The following TBC1D8 variants were observed in gnomAD, a reference collection of about 807,000 sequenced individuals.
TBC1D8 encodes TBC1 domain family member 8.
Under a neutral mutation model 118.8 loss-of-function variants are expected in TBC1D8, and 65 were observed. The ratio of observed to expected loss-of-function variants is 0.55; its 90% CI spans 0.45 to 0.67. TBC1D8 has a LOEUF of 0.67. Ranked by LOEUF, TBC1D8 falls within the 30% of genes least tolerant of loss-of-function variation. TBC1D8 has a pLI of 0.00. For synonymous variants in TBC1D8, 566 were observed against 595.8 expected, an observed-to-expected ratio of 0.95 and a Z score of 0.73; for missense variants, 1,376 against 1,471.2, an observed-to-expected ratio of 0.94 and a Z score of 1.06.
intron 18 of TBC1D8, 172 bp from the exon 19 acceptor site, chr2:101,011,198 G>T (rs1679182200): frequency 1.4e-6 from 1 of 715,492 alleles, no homozygotes; most frequent in Admixed American, 2.8e-5. Flanking sequence ...GTAACTGGGG[G>T]ACTTCTGCTC....
intron 9 of TBC1D8, among the ~76,000 whole-genome samples, chr2:101,034,045 A>T (rs1472145774): frequency 6.6e-6 from 1 of 152,064 alleles, no homozygotes; most frequent in Non-Finnish European, 1.5e-5. Context: ...GTGCCTGTAA[A>T]CCTAGCTACT....
chr2:101,046,923 T>A (rs1406649437), intron 5 of TBC1D8, among the ~76,000 whole-genome samples: 2 of 152,110 alleles, frequency 1.3e-5, no homozygotes, highest in Non-Finnish European at 2.9e-5. Context: ...CAAAACAGAT[T>A]GTAATTTGAT....
At chr2:101,114,983 A>C (rs1677754925) in intron 1 of TBC1D8, among the ~76,000 whole-genome samples, 1 of 152,194 alleles carries the variant, frequency 6.6e-6, no homozygotes, top group Non-Finnish European at 1.5e-5. Context: ...CTAGTCTGTA[A>C]AACACTGCCA....
chr2:101,071,052 C>CGGCCA (rs1558673752), intron 2 of TBC1D8, among the ~76,000 whole-genome samples: 2 of 152,096 alleles, frequency 1.3e-5, no homozygotes, highest in African/African-American at 4.8e-5. Context: ...AAATTAGCAT[C>CGGCCA]GGCCAGGCCA....
intron 5 of TBC1D8, among the ~76,000 whole-genome samples, chr2:101,046,752 C>T (rs760542719): frequency 9.9e-5 from 15 of 152,060 alleles, no homozygotes; most frequent in South Asian, 2.1e-4. Flanking sequence ...GTTCAGAATC[C>T]GCCAGGCCAT....
chr2:101,051,690 C>T lies in TBC1D8; in HGVS notation c.632-1049G>A, dbSNP rs141293283. On this transcript the variant is annotated intron_variant, in intron 4 of 19. Coordinates refer to ENST00000409318, the MANE Select transcript of TBC1D8 (RefSeq NM_001330348.2). The stretch of plus-strand genomic sequence containing the variant: ...CAAAAGAAGACATACATGCGGCCAA[C>T]AAGCATATGGAAAAAAAAAGCTCAA... 2.0e-3 allele frequency among the ~76,000 whole-genome samples: 309 copies of T among 152,094 alleles called. 1 individual carries two copies. The highest frequency in any genetic ancestry group is 7.1e-3 in the African/African-American group (296 of 41,474).
At chr2:101,099,092 T>G (rs996169678) in intron 1 of TBC1D8, among the ~76,000 whole-genome samples, 1 of 151,174 alleles carries the variant, frequency 6.6e-6, no homozygotes, top group Admixed American at 6.6e-5. Flanking sequence ...GATGGTTTTT[T>G]GAAAAAATTA....
intron 1 of TBC1D8, among the ~76,000 whole-genome samples, chr2:101,142,456 AACACT>A (rs1313293930): frequency 5.9e-5 from 9 of 152,178 alleles, no homozygotes; most frequent in African/African-American, 2.2e-4. Context: ...TACCTGTGTG[AACACT>A]ACAGGAAAAT....
chr2:101,110,220 G>C (rs985978151), intron 1 of TBC1D8, among the ~76,000 whole-genome samples: 4 of 152,182 alleles, frequency 2.6e-5, no homozygotes, highest in African/African-American at 9.7e-5. Flanking sequence ...CAAAATGACA[G>C]CTACTGATTC....
At chr2:101,064,239 C>T (rs1246692227) in intron 2 of TBC1D8, among the ~76,000 whole-genome samples, 1 of 152,104 alleles carries the variant, frequency 6.6e-6, no homozygotes, top group East Asian at 1.9e-4. Flanking sequence ...AGAAGAGACA[C>T]CGGGGAAGTG....
intron 1 of TBC1D8, among the ~76,000 whole-genome samples, chr2:101,133,435 A>G (rs1678688981): frequency 1.3e-5 from 2 of 151,746 alleles, no homozygotes; most frequent in South Asian, 4.2e-4. Flanking sequence ...GTCTTAGTCC[A>G]TTTCGGATGC....
chr2:101,038,459 ACCATGTCATCAT>A lies in TBC1D8; in HGVS notation c.1265_1275+1del. On this transcript the variant is annotated splice_donor_variant and coding_sequence_variant, in exon 7 of 20. Transcript: ENST00000409318. LOFTEE classifies it high-confidence loss of function. ...GATCATCAGGGTCTGGAGGGACCAT[ACCATGTCATCAT>A]CCGCAGAGGTGTCGTAGTGCACGGG... The A allele has an allele frequency of 6.2e-7, 1 of 1,613,252 alleles. No individual in the cohort carries two copies. The highest frequency in any genetic ancestry group is 8.5e-7 in the Non-Finnish European group (1 of 1,179,632).
chr2:101,146,332 CCTAA>C (rs148657995), intron 1 of TBC1D8, among the ~76,000 whole-genome samples: 4,975 of 152,232 alleles, frequency 0.033, 271 homozygotes, highest in African/African-American at 0.11. Context: ...CTCCCTTCAC[CCTAA>C]CTGTTTAGGT....
intron 1 of TBC1D8, among the ~76,000 whole-genome samples, chr2:101,131,777 G>A (rs752492190): frequency 5.3e-5 from 8 of 152,032 alleles, no homozygotes; most frequent in Admixed American, 3.3e-4. Flanking sequence ...ATCGTGACAC[G>A]ACACTCCAGC....
At position 101,109,237 on chromosome 2, in the gene TBC1D8, T is replaced by C. The variant is rs148114586; in HGVS notation, c.128-18873A>G. 1.7e-3 allele frequency among the ~76,000 whole-genome samples: 255 copies of C among 152,146 alleles called. 3 individuals carry two copies. Among genetic ancestry groups the C allele is most frequent in the East Asian group, 3.5e-3 (18 of 5,176 alleles). ...CAAAGGACCAGCACCACAGAGGAGA[T>C]GCAAAGCTGGCAGGCAGGGCAGTGA... On this transcript the variant is annotated intron_variant, in intron 1 of 19. Transcript: ENST00000409318.
rs147739999 is a variant in TBC1D8 at position 101,149,099 on chromosome 2, A to C, written c.127+2028T>G. 1.7e-3 allele frequency among the ~76,000 whole-genome samples: 260 copies of C among 152,352 alleles called. 3 individuals are homozygous for C. The highest frequency in any genetic ancestry group is 4.6e-3 in the East Asian group (24 of 5,192). On this transcript the variant is annotated intron_variant, in intron 1 of 19. Coordinates refer to ENST00000409318, the MANE Select transcript of TBC1D8 (RefSeq NM_001330348.2). ...CTTTTCAAAATCAACAGGGTCTCCA[A>C]GAAATACATCAAGTGTCCTCTTTTT...
At chr2:101,083,135 A>T (rs1298671747) in intron 2 of TBC1D8, among the ~76,000 whole-genome samples, 1 of 152,006 alleles carries the variant, frequency 6.6e-6, no homozygotes, top group African/African-American at 2.4e-5. Flanking sequence ...TTATATGAGG[A>T]AGTCTTAACT....
At chr2:101,058,623 T>A (rs1380774662) in intron 3 of TBC1D8, among the ~76,000 whole-genome samples, 1 of 152,072 alleles carries the variant, frequency 6.6e-6, no homozygotes, top group Non-Finnish European at 1.5e-5. Flanking sequence ...AAAATATTCC[T>A]CTCTTGCCAA....
chr2:101,134,247 G>C (rs13022174), intron 1 of TBC1D8, among the ~76,000 whole-genome samples: 21,881 of 143,802 alleles, frequency 0.15, 2,104 homozygotes, highest in Middle Eastern at 0.3. Flanking sequence ...ACTTTCTAAT[G>C]ATCTTTCTGG....
Sources: gnomAD v4.1 joint callset for allele counts (sites outside exome capture counted in the v4.1 genomes callset) on GRCh38, gnomAD v4.1.1 for gene constraint, MANE v1.5 for transcripts, NCBI Gene and HGNC (gene_info 2026-07-23, HGNC 2026-07-21) for gene names.